SNAP25: variants seen among roughly 807,000 people sequenced by gnomAD.
SNAP25 encodes the protein synaptosomal-associated protein 25.
In SNAP25, 3 loss-of-function variants were observed where a neutral mutation model predicts 28.7. The ratio of observed to expected loss-of-function variants is 0.10; its 90% CI spans 0.05 to 0.27. SNAP25 has a LOEUF of 0.27. SNAP25 is among the 10% of genes least tolerant of loss of function. The probability of loss-of-function intolerance (pLI) is 1.00; values close to 1 mark genes in which losing one functional copy is unlikely to be tolerated. For missense variants in SNAP25, 117 were observed against 278.7 expected (o/e 0.42, Z 4.13); for synonymous variants, 61 against 88.1 (o/e 0.69, Z 1.72).
chr20:10,246,005 G>T (rs1600676715), intron 1 of SNAP25, among the ~76,000 whole-genome samples: 1 of 152,288 alleles, frequency 6.6e-6, no homozygotes, highest in East Asian at 1.9e-4. Flanking sequence ...GTGCCCTTCA[G>T]CCCAGGTAAC....
intron 5 of SNAP25, among the ~76,000 whole-genome samples, chr20:10,294,776 T>A (rs2064072829): frequency 1.4e-5 from 2 of 144,020 alleles, no homozygotes; most frequent in Admixed American, 7.1e-5. Flanking sequence ...ATTAAGAAAG[T>A]CATATAATTC....
chr20:10,296,936 G>A lies in SNAP25; in HGVS notation c.293G>A (p.Ser98Asn). The A allele has an allele frequency of 1.2e-6, 2 of 1,614,172 alleles. No individual in the cohort carries two copies. Among genetic ancestry groups the A allele is most frequent in the South Asian group, 1.1e-5 (1 of 91,088 alleles). Residue 98 changes from serine (S) to asparagine (N), a missense_variant, in exon 6 of 8, where the codon AGT (serine) becomes AAT (asparagine). Ser to Asn is a conservative substitution (Grantham distance 46). Coordinates refer to ENST00000254976, the MANE Select transcript of SNAP25 (RefSeq NM_130811.4). ...TCTCTTTTGCATAGGCTTAAATCAA[G>A]TGATGCTTACAAAAAAGCCTGGGGC... ...CVCPCNKLKS[S>N]DAYKKAWGNN... is the part of the protein sequence containing the mutation.
At chr20:10,279,293 C>T (rs1331896646) in intron 3 of SNAP25, among the ~76,000 whole-genome samples, 1 of 152,170 alleles carries the variant, frequency 6.6e-6, no homozygotes, top group South Asian at 2.1e-4. Flanking sequence ...CTGAAGGGAG[C>T]CTAGAAATCA....
chr20:10,295,509 T>C (rs1363662198), intron 5 of SNAP25, among the ~76,000 whole-genome samples: 3 of 152,218 alleles, frequency 2.0e-5, no homozygotes, highest in Non-Finnish European at 4.4e-5. Context: ...TTGACTGCAC[T>C]AAGGCCTGCG....
chr20:10,290,867 C>A (rs1380209194), intron 4 of SNAP25, among the ~76,000 whole-genome samples: 1 of 152,080 alleles, frequency 6.6e-6, no homozygotes, highest in East Asian at 1.9e-4. Context: ...GATTTGGCAT[C>A]CCTATTGTCT....
intron 1 of SNAP25, among the ~76,000 whole-genome samples, chr20:10,253,411 G>T (rs976518300): frequency 2.0e-5 from 3 of 152,148 alleles, no homozygotes; most frequent in African/African-American, 7.2e-5. Flanking sequence ...TACTAGCTAT[G>T]TGACTCTAGG....
chr20:10,237,064 A>G (rs1403004654), intron 1 of SNAP25, among the ~76,000 whole-genome samples: 1 of 152,184 alleles, frequency 6.6e-6, no homozygotes, highest in African/African-American at 2.4e-5. Flanking sequence ...TCCTTAGTGA[A>G]GGACGAGGGT....
intron 7 of SNAP25, among the ~76,000 whole-genome samples, chr20:10,300,936 T>C (rs757469968): frequency 2.6e-5 from 4 of 152,084 alleles, no homozygotes; most frequent in Non-Finnish European, 5.9e-5. Flanking sequence ...CCCAGAATAA[T>C]GAACTAAAAA....
intron 1 of SNAP25, among the ~76,000 whole-genome samples, chr20:10,272,277 TG>T (rs1388800994): frequency 6.6e-6 from 1 of 152,200 alleles, no homozygotes; most frequent in East Asian, 1.9e-4. Flanking sequence ...CCCATGAGAT[TG>T]GCATTGTTTG....
At position 10,225,228 on chromosome 20, in the gene SNAP25, G is replaced by A. The variant is rs181607335; in HGVS notation, c.-64+6251G>A. ...CACATCAAATAAATTCACATGTCCC[G>A]GAGGGGAAAAAAAAAAAACACATTC... On this transcript the variant is annotated intron_variant, in intron 1 of 7. Transcript: ENST00000254976. 3.0e-3 allele frequency among the ~76,000 whole-genome samples: 359 copies of A among 119,684 alleles called. 2 individuals carry two copies. The highest frequency in any genetic ancestry group is 8.4e-3 in the African/African-American group (325 of 38,794). 78.5% of individuals were successfully genotyped at this position (119,684 alleles called of 152,430 possible). A position where few individuals can be genotyped will look rare whatever the true frequency, so the allele number is the denominator to read the frequency against.
chr20:10,223,802 A>G (rs985847414), intron 1 of SNAP25, among the ~76,000 whole-genome samples: 1 of 152,214 alleles, frequency 6.6e-6, no homozygotes. Flanking sequence ...AATTTTCTTC[A>G]CAAGACTCTC....
At chr20:10,268,473 G>A (rs2122951146) in intron 1 of SNAP25, among the ~76,000 whole-genome samples, 1 of 152,272 alleles carries the variant, frequency 6.6e-6, no homozygotes, top group Middle Eastern at 3.4e-3. Context: ...CTTTCCTTAT[G>A]CCTTTCCTGA....
chr20:10,236,112 C>T (rs2062916391), intron 1 of SNAP25, among the ~76,000 whole-genome samples: 1 of 152,172 alleles, frequency 6.6e-6, no homozygotes. Flanking sequence ...GATAGATGGC[C>T]TCTGCCCATC....
chr20:10,301,597 A>G (rs2064237294), intron 7 of SNAP25, among the ~76,000 whole-genome samples: 1 of 152,026 alleles, frequency 6.6e-6, no homozygotes, highest in Non-Finnish European at 1.5e-5. Flanking sequence ...TGTAATTGCA[A>G]TCACACTGTA....
At chr20:10,292,796 A>G (rs1306650674) in intron 4 of SNAP25, 1 of 834,418 alleles carries the variant, frequency 1.2e-6, no homozygotes, top group Non-Finnish European at 1.9e-6. Flanking sequence ...TCTCTTTCAA[A>G]TTCTGTTTCA....
At chr20:10,286,566 T>C (rs561149256) in intron 4 of SNAP25, among the ~76,000 whole-genome samples, 39 of 152,270 alleles carry the variant, frequency 2.6e-4, no homozygotes, top group African/African-American at 7.2e-4. Context: ...TGCTCAGCCA[T>C]TGGCTTGAAG....
intron 1 of SNAP25, among the ~76,000 whole-genome samples, chr20:10,252,758 C>CTT (rs56654069): frequency 4.5e-5 from 6 of 133,870 alleles, no homozygotes; most frequent in South Asian, 4.9e-4. Context: ...ATTTTCTCAT[C>CTT]TTTTTTTTTT....
chr20:10,245,309 G>C (rs2063107051), intron 1 of SNAP25, among the ~76,000 whole-genome samples: 1 of 152,134 alleles, frequency 6.6e-6, no homozygotes. Context: ...TGGTTTTAGG[G>C]AGGTTGGAGC....
rs764434601 is a variant in SNAP25, at chr20:10,293,254, G to A, written c.257G>A (p.Gly86Glu). The change falls in exon 5 of 8, where the codon GGG (glycine) becomes GAG (glutamate). Residue 86 changes from glycine to glutamate, a missense_variant. By Grantham distance (98) the Gly-to-Glu change is moderately conservative. This residue lies in a region of SNAP25 where 88 missense variants were observed against 206.9 expected (regional missense o/e 0.43). Coordinates refer to ENST00000254976, the MANE Select transcript of SNAP25 (RefSeq NM_130811.4). This position sits in a 1 kb window ranked among gnomAD's most constrained non-coding sequence, Gnocchi z 5.6. The part of the protein sequence containing the change: ...KNLTDLGKFC[G>E]LCVCPCNKLK... ...TTGACGGACCTAGGAAAATTCTGCG[G>A]GCTTTGTGTGTGTCCCTGTAACAAG... 6.2e-7 allele frequency: 1 copy of A among 1,613,970 alleles called. No homozygotes were observed. Among genetic ancestry groups the A allele is most frequent in the Non-Finnish European group, 8.5e-7 (1 of 1,179,922 alleles).
Sources: allele counts gnomAD v4.1 joint callset (sites outside exome capture counted in the v4.1 genomes callset), GRCh38; gene constraint gnomAD v4.1.1; regional missense constraint gnomAD v4.1.1; non-coding constraint Gnocchi (gnomAD v3.1); transcripts MANE v1.5; gene names NCBI Gene and HGNC (gene_info 2026-07-23, HGNC 2026-07-21).